The following MAP4K3 variants were observed in gnomAD, a reference collection of about 807,000 sequenced individuals.
MAP4K3 encodes the protein MAPK/ERK kinase kinase kinase 3.
In MAP4K3, 94 loss-of-function variants were observed where a neutral mutation model predicts 143.5. The ratio of observed to expected loss-of-function variants is 0.65; its 90% CI spans 0.55 to 0.78. The LOEUF (loss-of-function observed/expected upper bound fraction) is 0.78, where lower values mean the gene tolerates loss of function less well. MAP4K3 is among the 30% of genes least tolerant of loss of function. The pLI is 0.00. For synonymous variants in MAP4K3, 416 were observed against 347.2 expected (o/e 1.20, Z -2.20); for missense variants, 1,077 against 1,068.1 (o/e 1.01, Z -0.12).
intron 15 of MAP4K3, among the ~76,000 whole-genome samples, chr2:39,302,361 C>T (rs1355564687): frequency 1.3e-5 from 2 of 152,144 alleles, no homozygotes; most frequent in East Asian, 1.9e-4. Context: ...TACTTTAAAT[C>T]CTTCTAAAAA....
chr2:39,269,776 C>T (rs1329297686), intron 26 of MAP4K3, among the ~76,000 whole-genome samples: 4 of 152,120 alleles, frequency 2.6e-5, no homozygotes, highest in Non-Finnish European at 4.4e-5. Context: ...AAACACTGAA[C>T]GACTACAATG....
chr2:39,288,772 G>A (rs1056273642), intron 19 of MAP4K3, among the ~76,000 whole-genome samples: 2 of 152,216 alleles, frequency 1.3e-5, no homozygotes, highest in Non-Finnish European at 2.9e-5. Context: ...TTATCATGTG[G>A]CCGGGTGCGG....
intron 15 of MAP4K3, among the ~76,000 whole-genome samples, chr2:39,304,889 T>G (rs902989410): frequency 2.6e-5 from 4 of 152,208 alleles, no homozygotes; most frequent in Admixed American, 6.6e-5. Flanking sequence ...AAGGAAATTC[T>G]GACACACGCT....
intron 29 of MAP4K3, among the ~76,000 whole-genome samples, chr2:39,259,416 T>C (rs991931444): frequency 6.6e-5 from 10 of 152,140 alleles, no homozygotes; most frequent in Admixed American, 2.6e-4. Flanking sequence ...TACTCAATGA[T>C]CACTCTTACC....
At chr2:39,295,006 G>C (rs73923844) in intron 16 of MAP4K3, among the ~76,000 whole-genome samples, 7,448 of 150,504 alleles carry the variant, frequency 0.049, 306 homozygotes, top group African/African-American at 0.11. Context: ...GAATTTAGCT[G>C]TCTTCTATTA....
At chr2:39,385,580 ATATATATATATATTC>A in intron 1 of MAP4K3, among the ~76,000 whole-genome samples, 1 of 59,136 alleles carries the variant, frequency 1.7e-5, no homozygotes, top group Non-Finnish European at 4.3e-5. Context: ...ATATATATAT[ATATATATATATATTC>A]TATATATGAG....
chr2:39,269,305 T>G (rs1680914280), intron 26 of MAP4K3, among the ~76,000 whole-genome samples: 1 of 151,972 alleles, frequency 6.6e-6, no homozygotes, highest in Non-Finnish European at 1.5e-5. Context: ...TTTTAACCCT[T>G]AATACATTTT....
chr2:39,429,677 A>G (rs1279767315), intron 1 of MAP4K3, among the ~76,000 whole-genome samples: 1 of 152,216 alleles, frequency 6.6e-6, no homozygotes, highest in African/African-American at 2.4e-5. Context: ...GTTAAGACAA[A>G]ATTCCAGTAG....
intron 1 of MAP4K3, among the ~76,000 whole-genome samples, chr2:39,405,422 A>C (rs911472313): frequency 6.6e-6 from 1 of 152,190 alleles, no homozygotes; most frequent in African/African-American, 2.4e-5. Context: ...GTCCTTTTGA[A>C]TATCTGCAAG....
intron 12 of MAP4K3, among the ~76,000 whole-genome samples, chr2:39,320,700 T>A (rs972740258): frequency 4.6e-5 from 7 of 152,130 alleles, no homozygotes; most frequent in Admixed American, 1.3e-4. Context: ...GTAAAAGAGG[T>A]CTTATTCAAA....
intron 1 of MAP4K3, among the ~76,000 whole-genome samples, chr2:39,429,298 C>T (rs6750130): frequency 0.015 from 2,231 of 152,098 alleles, 55 homozygotes; most frequent in African/African-American, 0.051. Flanking sequence ...AATAAAGCAA[C>T]ATATTGATGA....
intron 7 of MAP4K3, among the ~76,000 whole-genome samples, chr2:39,332,882 G>T (rs953368822): frequency 1.3e-5 from 2 of 151,790 alleles, no homozygotes; most frequent in Non-Finnish European, 2.9e-5. Context: ...TTTAATTTGG[G>T]TTTATCTAAT....
At chr2:39,415,994 TATATATATATAAAA>T (rs1283638504) in intron 1 of MAP4K3, among the ~76,000 whole-genome samples, 4 of 89,512 alleles carry the variant, frequency 4.5e-5, no homozygotes, top group African/African-American at 1.8e-4. Flanking sequence ...TATATATATA[TATATATATATAAAA>T]ATAACATTTG....
At chr2:39,331,186 C>A (rs1411723916) in intron 8 of MAP4K3, among the ~76,000 whole-genome samples, 2 of 152,032 alleles carry the variant, frequency 1.3e-5, no homozygotes, top group Non-Finnish European at 2.9e-5. Context: ...TGCACATAAG[C>A]TGAAAGCAAG....
At chr2:39,409,838 G>A (rs554601065) in intron 1 of MAP4K3, among the ~76,000 whole-genome samples, 12 of 152,254 alleles carry the variant, frequency 7.9e-5, no homozygotes. Context: ...TAAATGTAAA[G>A]ACAGATCTCT....
chr2:39,405,583 C>A (rs907252646), intron 1 of MAP4K3, among the ~76,000 whole-genome samples: 1 of 152,076 alleles, frequency 6.6e-6, no homozygotes, highest in Non-Finnish European at 1.5e-5. Context: ...AAATAAGACA[C>A]CAAGGCTGGG....
intron 6 of MAP4K3, among the ~76,000 whole-genome samples, chr2:39,335,516 T>C (rs1664919803): frequency 6.6e-6 from 1 of 152,212 alleles, no homozygotes; most frequent in Non-Finnish European, 1.5e-5. Context: ...TCATACATTC[T>C]CTTCTCTTCA....
intron 2 of MAP4K3, among the ~76,000 whole-genome samples, chr2:39,365,273 G>C (rs1054642550): frequency 2.6e-5 from 4 of 152,066 alleles, no homozygotes; most frequent in African/African-American, 9.7e-5. Context: ...ATTCCAAAGG[G>C]AGGAGGGTAT....
At chr2:39,432,350 T>G (rs1665317804) in intron 1 of MAP4K3, among the ~76,000 whole-genome samples, 1 of 152,214 alleles carries the variant, frequency 6.6e-6, no homozygotes, top group African/African-American at 2.4e-5. Context: ...TTTCAAACAC[T>G]CTAGAAAAAT....
Sources: allele counts gnomAD v4.1 joint callset (sites outside exome capture counted in the v4.1 genomes callset), GRCh38; gene constraint gnomAD v4.1.1; transcripts MANE v1.5; gene names NCBI Gene and HGNC (gene_info 2026-07-23, HGNC 2026-07-21).